Variants in DIS3L2 observed in about 807,000 individuals in gnomAD.
The protein encoded by DIS3L2 is DIS3-like exonuclease 2.
A neutral mutation model predicts 97.5 loss-of-function variants in DIS3L2; 34 were observed. The observed-to-expected ratio is 0.35, with a 90% CI of 0.27 to 0.46. The LOEUF (loss-of-function observed/expected upper bound fraction) is 0.46. Among genes scored for constraint, DIS3L2 ranks in the 20% least tolerant of loss-of-function variants. DIS3L2 has a pLI of 1.00. For missense variants in DIS3L2, 1,038 were observed against 1,146.0 expected (o/e 0.91, Z 1.36); for synonymous variants, 435 against 445.2 (o/e 0.98, Z 0.29).
chr2:232,260,868 A>G (rs1398027107), intron 12 of DIS3L2, among the ~76,000 whole-genome samples: 1 of 152,090 alleles, frequency 6.6e-6, no homozygotes, highest in Non-Finnish European at 1.5e-5. Flanking sequence ...GTCCTTCCCC[A>G]TGGGGAATGC....
chr2:232,326,468 G>A (rs1466985336), intron 14 of DIS3L2, among the ~76,000 whole-genome samples: 1 of 151,974 alleles, frequency 6.6e-6, no homozygotes, highest in Non-Finnish European at 1.5e-5. Flanking sequence ...GGGTGCCACC[G>A]CCAGAGCCAG....
chr2:232,094,008 C>T (rs989136842), intron 6 of DIS3L2, among the ~76,000 whole-genome samples: 8 of 152,132 alleles, frequency 5.3e-5, no homozygotes, highest in Admixed American at 4.6e-4. Flanking sequence ...GCTTTCCCTG[C>T]ATCCCATAGG....
At chr2:232,098,263 A>C (rs1432656131) in intron 6 of DIS3L2, among the ~76,000 whole-genome samples, 1 of 152,182 alleles carries the variant, frequency 6.6e-6, no homozygotes, top group Non-Finnish European at 1.5e-5. Context: ...CATCTAAGCC[A>C]GAATGATTGT....
intron 13 of DIS3L2, among the ~76,000 whole-genome samples, chr2:232,267,003 G>A (rs1375998007): frequency 6.6e-6 from 1 of 152,160 alleles, no homozygotes; most frequent in Non-Finnish European, 1.5e-5. Context: ...CACTAGTATG[G>A]TGATTGTTTG....
At chr2:232,184,728 TG>T (rs1431842595) in intron 9 of DIS3L2, among the ~76,000 whole-genome samples, 1 of 152,222 alleles carries the variant, frequency 6.6e-6, no homozygotes, top group Non-Finnish European at 1.5e-5. Flanking sequence ...TTAGTAGTGT[TG>T]GGTAGCCTGA....
At chr2:232,229,761 C>T (rs1289860105) in intron 10 of DIS3L2, among the ~76,000 whole-genome samples, 1 of 152,076 alleles carries the variant, frequency 6.6e-6, no homozygotes, top group African/African-American at 2.4e-5. Context: ...TTGATAGAGC[C>T]CTTAGTAATA....
chr2:231,979,862 C>G lies in DIS3L2; in HGVS notation c.-94+18097C>G, dbSNP rs1475120152. Reference sequence around the variant, plus strand: ...AAGTGCTGGGATTACAGTCGTGAGCCACTGCGCCCGGCCTATTTTTTATGT... The same window carrying G: ...AAGTGCTGGGATTACAGTCGTGAGCGACTGCGCCCGGCCTATTTTTTATGT... On this transcript the variant is annotated intron_variant, in intron 1 of 20. Coordinates refer to ENST00000325385, the MANE Select transcript of DIS3L2 (RefSeq NM_152383.5). 2.0e-5 allele frequency among the ~76,000 whole-genome samples: 3 copies of G among 152,310 alleles called. No individual in the cohort carries two copies. The East Asian group carries it at 5.8e-4, about 29-fold the overall frequency.
rs942175535 is a variant in DIS3L2 at position 232,281,898 on chromosome 2, G to A, written c.1660-18142G>A. 1.3e-5 allele frequency among the ~76,000 whole-genome samples: 2 copies of A among 151,860 alleles called. No homozygotes were observed. Among genetic ancestry groups the A allele is most frequent in the African/African-American group, 4.8e-5 (2 of 41,400 alleles). On this transcript the variant is annotated intron_variant, in intron 13 of 20. Transcript: ENST00000325385. The surrounding 1 kb of genome is among the most constrained non-coding windows in gnomAD (Gnocchi z 4.1). Reference sequence around the variant, plus strand: ...AAGAGACATGGGAAGCATCGGGATTGCTCATACCTCCCAAAGTACAGCAGG... The same window carrying A: ...AAGAGACATGGGAAGCATCGGGATTACTCATACCTCCCAAAGTACAGCAGG...
intron 10 of DIS3L2, among the ~76,000 whole-genome samples, chr2:232,229,176 G>C (rs576603089): frequency 2.0e-4 from 31 of 152,142 alleles, no homozygotes; most frequent in African/African-American, 7.5e-4. Context: ...CTTCAGTCCT[G>C]CCTCTTCTCT....
intron 14 of DIS3L2, 23 bp from the exon 15 acceptor site, chr2:232,329,790 C>CGGG (rs2106347746): frequency 2.2e-5 from 7 of 315,330 alleles, no homozygotes; most frequent in Non-Finnish European, 4.4e-5. Context: ...AGCGGTCCCT[C>CGGG]CCATCCCACC....
In DIS3L2 at chr2:232,281,481, G is replaced by A. The variant is rs1013355841; in HGVS notation, c.1659+18041G>A. ...ATTTTACATATAGGAGTTGTGGGAT[G>A]GGACCTCTTTTTTAGAAAGATCTCT... On this transcript the variant is annotated intron_variant, in intron 13 of 20. Transcript: ENST00000325385. The surrounding 1 kb of genome is among the most constrained non-coding windows in gnomAD (Gnocchi z 4.1). Among the ~76,000 whole-genome samples the A allele has an allele frequency of 2.0e-5, 3 of 152,184 alleles. No homozygotes were observed. Among genetic ancestry groups the A allele is most frequent in the African/African-American group, 7.2e-5 (3 of 41,442 alleles).
At chr2:231,995,371 A>G (rs1226604551) in intron 1 of DIS3L2, among the ~76,000 whole-genome samples, 2 of 152,154 alleles carry the variant, frequency 1.3e-5, no homozygotes, top group Non-Finnish European at 2.9e-5. Flanking sequence ...TATTGTGTGA[A>G]TACAATCCTG....
chr2:232,126,066 A>AT (rs1698057018), intron 6 of DIS3L2, among the ~76,000 whole-genome samples: 1 of 152,192 alleles, frequency 6.6e-6, no homozygotes, highest in South Asian at 2.1e-4. Context: ...AATCACTGCC[A>AT]TTATCTTAAT....
chr2:232,155,882 C>G (rs565019874), intron 8 of DIS3L2, among the ~76,000 whole-genome samples: 1 of 150,982 alleles, frequency 6.6e-6, no homozygotes, highest in Non-Finnish European at 1.5e-5. Context: ...CCCAGCTACT[C>G]GGGAGGCCGA....
chr2:232,093,388 T>C (rs1198967831), intron 6 of DIS3L2, among the ~76,000 whole-genome samples: 1 of 152,200 alleles, frequency 6.6e-6, no homozygotes, highest in African/African-American at 2.4e-5. Flanking sequence ...GATATCAGGG[T>C]AATATTGCCC....
intron 1 of DIS3L2, among the ~76,000 whole-genome samples, chr2:231,995,826 A>C (rs1160445254): frequency 6.6e-6 from 1 of 152,234 alleles, no homozygotes; most frequent in Non-Finnish European, 1.5e-5. Context: ...TGACTCCACT[A>C]TGTTACTAGA....
intron 9 of DIS3L2, among the ~76,000 whole-genome samples, chr2:232,175,601 G>A (rs1691127940): frequency 6.6e-6 from 1 of 151,906 alleles, no homozygotes; most frequent in Admixed American, 6.6e-5. Flanking sequence ...AGGTTCGGGG[G>A]TACATGTATG....
intron 12 of DIS3L2, chr2:232,259,928 G>A (rs1283883978): frequency 6.6e-6 from 1 of 152,228 alleles, no homozygotes; most frequent in East Asian, 1.9e-4. Context: ...CACCGTGCTT[G>A]GCCAAAATTC....
chr2:232,337,028 C>T lies in DIS3L2; in HGVS notation c.*398C>T. The T allele has an allele frequency of 9.3e-7, 1 of 1,077,398 alleles. No homozygotes were observed. The highest frequency in any genetic ancestry group is 1.1e-6 in the Non-Finnish European group (1 of 886,754). 66.7% of individuals were successfully genotyped at this position (1,077,398 alleles called of 1,614,324 possible). On this transcript the variant is annotated 3_prime_UTR_variant, in exon 21 of 21. Coordinates refer to ENST00000325385, the MANE Select transcript of DIS3L2 (RefSeq NM_152383.5). ...AGCCTGGGCAGCAGAATGCCCCTTG[C>T]ACCCAGGGCAAGGGACCCAGTTCAG...
Sources: allele counts gnomAD v4.1 joint callset (sites outside exome capture counted in the v4.1 genomes callset), GRCh38; gene constraint gnomAD v4.1.1; non-coding constraint Gnocchi (gnomAD v3.1); transcripts MANE v1.5; gene names NCBI Gene and HGNC (gene_info 2026-07-23, HGNC 2026-07-21).